The following PDIA3 variants were observed in gnomAD, a reference collection of about 807,000 sequenced individuals.
PDIA3 encodes protein disulfide isomerase family A member 3.
A neutral mutation model predicts 56.9 loss-of-function variants in PDIA3; 16 were observed. The observed-to-expected ratio is 0.28, with a 90% CI of 0.19 to 0.43. PDIA3 has a LOEUF of 0.43. Among genes scored for constraint, PDIA3 ranks in the 20% least tolerant of loss-of-function variants. The pLI is 1.00. For synonymous variants in PDIA3, 192 were observed against 216.5 expected, an observed-to-expected ratio of 0.89 and a Z score of 0.99; for missense variants, 485 against 621.3, an observed-to-expected ratio of 0.78 and a Z score of 2.33.
intron 1 of PDIA3, among the ~76,000 whole-genome samples, chr15:43,749,779 A>C (rs2086731729): frequency 1.3e-5 from 2 of 152,210 alleles, no homozygotes; most frequent in South Asian, 4.1e-4. Context: ...ATCTCTACTA[A>C]AAAATGACAA....
Position 43,773,274 on chromosome 15 carries a change from C to T in PDIA3, c.*2056C>T. 1 of 1,614,048 alleles carries T rather than the reference C, an allele frequency of 6.2e-7. No individual in the cohort carries two copies. The highest frequency in any genetic ancestry group is 8.5e-7 in the Non-Finnish European group (1 of 1,179,986). ...TCAAAAAGTAAAAATTCTCATTCTACCTTGCTTCCGTTCCCAGACCTTGTC... is the reference window on the plus strand; with the variant it reads ...TCAAAAAGTAAAAATTCTCATTCTATCTTGCTTCCGTTCCCAGACCTTGTC... On this transcript the variant is annotated 3_prime_UTR_variant, in exon 13 of 13. Coordinates refer to ENST00000300289, the MANE Select transcript of PDIA3 (RefSeq NM_005313.5).
intron 1 of PDIA3, among the ~76,000 whole-genome samples, chr15:43,749,440 T>C (rs1440229859): frequency 6.6e-6 from 1 of 152,200 alleles, no homozygotes; most frequent in African/African-American, 2.4e-5. Context: ...CTGACTGCTA[T>C]ATTCCTTTGT....
intron 5 of PDIA3, 55 bp from the exon 6 acceptor site, chr15:43,765,395 G>T: frequency 1.0e-6 from 1 of 967,660 alleles, no homozygotes; most frequent in Non-Finnish European, 1.6e-6. Context: ...AAAAAAAGAT[G>T]GGAGACAGTT....
At chr15:43,765,034 C>A (rs935198598) in intron 5 of PDIA3, among the ~76,000 whole-genome samples, 1 of 152,076 alleles carries the variant, frequency 6.6e-6, no homozygotes, top group African/African-American at 2.4e-5. Context: ...AGAAAAGAGT[C>A]CTTATGTGCT....
chr15:43,772,948 A>G lies in PDIA3; in HGVS notation c.*1730A>G, dbSNP rs1367423814. 1.6e-6 allele frequency: 1 copy of G among 624,464 alleles called. No individual in the cohort carries two copies. The allele number at this position is 624,464 out of a possible 1,614,324, so 38.7% of individuals were successfully genotyped here. A position where few individuals can be genotyped will look rare whatever the true frequency, so the allele number is the denominator to read the frequency against. On this transcript the variant is annotated 3_prime_UTR_variant, in exon 13 of 13. Transcript: ENST00000300289. ...TTTGCACAGTGCCCATACCCTAAAA[A>G]TTAATAATGAAAACCAAACCTCAAG...
chr15:43,751,842 T>A (rs1222622045), intron 1 of PDIA3: 1 of 928,358 alleles, frequency 1.1e-6, no homozygotes, highest in Non-Finnish European at 1.5e-6. Context: ...TGGCTTGACC[T>A]AGTAACTATT....
At chr15:43,759,780 G>C (rs1019343940) in intron 3 of PDIA3, among the ~76,000 whole-genome samples, 2 of 152,068 alleles carry the variant, frequency 1.3e-5, no homozygotes, top group Admixed American at 1.3e-4. Flanking sequence ...ATACAAAATT[G>C]TATGTTTAAA....
rs550650386 is a variant in PDIA3, at chr15:43,771,610, T to A, written c.*392T>A. On this transcript the variant is annotated 3_prime_UTR_variant, in exon 13 of 13. Coordinates refer to ENST00000300289, the MANE Select transcript of PDIA3 (RefSeq NM_005313.5). ...ACTATCACTGTTCAATAGAGCTTTC[T>A]TCAGTGATGGAAATGCTCTGTAATC... 124 of 417,228 alleles carry A rather than the reference T, an allele frequency of 3.0e-4. No individual in the cohort carries two copies. Among genetic ancestry groups the A allele is most frequent in the African/African-American group, 2.2e-3 (109 of 48,948 alleles). The allele number at this position is 417,228 out of a possible 1,614,324, so 25.8% of individuals were successfully genotyped here.
intron 3 of PDIA3, among the ~76,000 whole-genome samples, chr15:43,758,752 G>C (rs1469698806): frequency 6.6e-6 from 1 of 152,050 alleles, no homozygotes; most frequent in Non-Finnish European, 1.5e-5. Context: ...AAGGTAGGCT[G>C]ATCACTTGAG....
chr15:43,758,227 A>G (rs2086792480), intron 3 of PDIA3, among the ~76,000 whole-genome samples: 1 of 152,068 alleles, frequency 6.6e-6, no homozygotes, highest in South Asian at 2.1e-4. Flanking sequence ...ACAAGAAGGA[A>G]ACTCCGTCTC....
intron 3 of PDIA3, among the ~76,000 whole-genome samples, chr15:43,758,265 A>G (rs769431208): frequency 5.3e-5 from 8 of 152,156 alleles, no homozygotes; most frequent in African/African-American, 2.4e-5. Context: ...AAAATAGCCA[A>G]TGTTGGTATG....
At chr15:43,770,501 T>C (rs1471234113) in intron 11 of PDIA3, 22 bp from the exon 12 acceptor site, 2 of 1,592,408 alleles carry the variant, frequency 1.3e-6, no homozygotes, top group Non-Finnish European at 1.7e-6. Context: ...TGCTTGAAAT[T>C]AATAAATGTT....
chr15:43,760,819 C>T (rs1375116900), intron 3 of PDIA3, among the ~76,000 whole-genome samples: 5 of 151,722 alleles, frequency 3.3e-5, no homozygotes, highest in Non-Finnish European at 7.4e-5. Context: ...GCGTGAGCCA[C>T]AGCACCCGGC....
At position 43,753,853 on chromosome 15, in the gene PDIA3, A is replaced by C. The variant is rs760346730; in HGVS notation, c.197A>C (p.Glu66Ala). 1 of 1,613,790 alleles carries C rather than the reference A, an allele frequency of 6.2e-7. No homozygotes were observed. Among genetic ancestry groups the C allele is most frequent in the East Asian group, 2.2e-5 (1 of 44,874 alleles). ...GGACACTGCAAGAGACTTGCACCTG[A>C]GTATGAAGCTGCAGCTACCAGATTA... ...WCGHCKRLAPEYEAAATRLKG... is the reference protein window; with the variant it reads ...WCGHCKRLAPAYEAAATRLKG... The change falls in exon 2 of 13, where the codon GAG (glutamate) becomes GCG (alanine). Residue 66 changes from glutamate (E) to alanine (A), a missense_variant. Transcript: ENST00000300289.
At chr15:43,752,960 CAT>C in intron 1 of PDIA3, 1 of 452,148 alleles carries the variant, frequency 2.2e-6, no homozygotes, top group South Asian at 1.6e-5. Context: ...TTCTAGTTTA[CAT>C]GTTTTGTTAT....
intron 2 of PDIA3, among the ~76,000 whole-genome samples, chr15:43,755,711 C>T (rs1029527132): frequency 2.0e-5 from 3 of 152,070 alleles, no homozygotes; most frequent in African/African-American, 4.8e-5. Flanking sequence ...GTCTGGAGTT[C>T]AAGACCAGCC....
In PDIA3 at chr15:43,746,545, C is replaced by T. The variant is rs2086706223; in HGVS notation, c.6C>T (p.Arg2=). M[R]LRRLALFPGV... is the part of the protein sequence containing the mutation. The stretch of plus-strand genomic sequence containing the variant: ...CCCCACCCCACCTCGCCGCCATGCG[C>T]CTCCGCCGCCTAGCGCTGTTCCCGG... The change falls in exon 1 of 13, where the codon CGC becomes CGT. Residue 2 remains arginine, a synonymous_variant. Coordinates refer to ENST00000300289, the MANE Select transcript of PDIA3 (RefSeq NM_005313.5). 2 of 1,601,822 alleles carry T rather than the reference C, an allele frequency of 1.2e-6. No individual in the cohort carries two copies. The highest frequency in any genetic ancestry group is 1.3e-5 in the African/African-American group (1 of 74,340).
chr15:43,763,412 C>T (rs756020834), intron 5 of PDIA3, among the ~76,000 whole-genome samples: 27 of 152,174 alleles, frequency 1.8e-4, no homozygotes, highest in Admixed American at 2.6e-4. Flanking sequence ...GCCACCACAC[C>T]CTGCTAATTT....
chr15:43,768,585 T>C lies in PDIA3; in HGVS notation c.1125T>C (p.Asp375=). 1 of 1,607,954 alleles carries C rather than the reference T, an allele frequency of 6.2e-7. No individual in the cohort carries two copies. The highest frequency in any genetic ancestry group is 8.5e-7 in the Non-Finnish European group (1 of 1,174,416). Residue 375 remains aspartate (D), a synonymous_variant, in exon 9 of 13, where the codon GAT becomes GAC. Transcript: ENST00000300289. ...CTGAACCTATCCCAGAGAGCAATGA[T>C]GGGCCTGTGAAGGTGAGGTGCTCAC... ...LKSEPIPESN[D]GPVKVVVAEN...
Sources: gnomAD v4.1 joint callset for allele counts (sites outside exome capture counted in the v4.1 genomes callset) on GRCh38, gnomAD v4.1.1 for gene constraint, MANE v1.5 for transcripts, NCBI Gene and HGNC (gene_info 2026-07-23, HGNC 2026-07-21) for gene names.